Variants in B3GALT1 observed in about 807,000 individuals in gnomAD.
B3GALT1 encodes the protein beta-1,3-galactosyltransferase 1, also known as UDP-Gal:betaGlcNAc beta 1,3-galactosyltransferase, polypeptide 1.
A neutral mutation model predicts 23.2 loss-of-function variants in B3GALT1; 10 were observed. The observed-to-expected ratio is 0.43, with a 90% CI of 0.27 to 0.73. The LOEUF (loss-of-function observed/expected upper bound fraction) is 0.73, where lower values mean the gene tolerates loss of function less well. Ranked by LOEUF, B3GALT1 falls within the 30% of genes least tolerant of loss-of-function variation. B3GALT1 has a pLI of 0.21. For missense variants in B3GALT1, 299 were observed against 405.4 expected (o/e 0.74, Z 2.25); for synonymous variants, 156 against 141.5 (o/e 1.10, Z -0.73).
chr2:167,686,019 A>G (rs922272059), intron 3 of B3GALT1, among the ~76,000 whole-genome samples: 1 of 152,248 alleles, frequency 6.6e-6, no homozygotes, highest in Non-Finnish European at 1.5e-5. Flanking sequence ...TGCAATAAGC[A>G]GTGACTGTCA....
intron 2 of B3GALT1, among the ~76,000 whole-genome samples, chr2:167,629,625 A>T (rs760382095): frequency 2.0e-5 from 3 of 151,656 alleles, no homozygotes; most frequent in Non-Finnish European, 4.4e-5. Flanking sequence ...CTTTAAATTA[A>T]CTCACTCCTT....
chr2:167,655,108 A>AT (rs1380771719), intron 3 of B3GALT1, among the ~76,000 whole-genome samples: 36 of 152,118 alleles, frequency 2.4e-4, no homozygotes, highest in African/African-American at 5.5e-4. Context: ...CTTAATCTTG[A>AT]TATTTTTTTA....
At chr2:167,502,693 C>T (rs541756372) in intron 2 of B3GALT1, among the ~76,000 whole-genome samples, 97 of 152,238 alleles carry the variant, frequency 6.4e-4, no homozygotes, top group Middle Eastern at 3.4e-3. Flanking sequence ...GGGGATCCAC[C>T]CCCATGATCC....
chr2:167,626,204 C>G (rs1685342389), intron 2 of B3GALT1, among the ~76,000 whole-genome samples: 3 of 151,214 alleles, frequency 2.0e-5, no homozygotes, highest in African/African-American at 7.3e-5. Context: ...GGACCTTAGC[C>G]ATATCAAGAT....
At chr2:167,638,092 G>T (rs1332435245) in intron 2 of B3GALT1, among the ~76,000 whole-genome samples, 1 of 151,982 alleles carries the variant, frequency 6.6e-6, no homozygotes, top group Non-Finnish European at 1.5e-5. Flanking sequence ...AGACCAATAA[G>T]TGGCATATTT....
At chr2:167,776,725 C>T (rs1210268067) in intron 3 of B3GALT1, among the ~76,000 whole-genome samples, 1 of 152,220 alleles carries the variant, frequency 6.6e-6, no homozygotes, top group African/African-American at 2.4e-5. Flanking sequence ...ACTTATATAA[C>T]TTCAGTGTCT....
At chr2:167,512,690 G>T (rs1038841088) in intron 2 of B3GALT1, among the ~76,000 whole-genome samples, 3 of 145,190 alleles carry the variant, frequency 2.1e-5, no homozygotes, top group Admixed American at 7.0e-5. Context: ...AGGTTGGAGT[G>T]CAGTGATGCC....
chr2:167,511,790 A>G (rs1402809396), intron 2 of B3GALT1, among the ~76,000 whole-genome samples: 1 of 152,158 alleles, frequency 6.6e-6, no homozygotes, highest in Non-Finnish European at 1.5e-5. Context: ...TGTCATCTAA[A>G]TAGAAGATGA....
At chr2:167,348,076 C>T (rs1345500126) in intron 1 of B3GALT1, among the ~76,000 whole-genome samples, 2 of 152,078 alleles carry the variant, frequency 1.3e-5, no homozygotes, top group Non-Finnish European at 2.9e-5. Flanking sequence ...TAGTCATTTC[C>T]AAATTATGGA....
intron 4 of B3GALT1, among the ~76,000 whole-genome samples, chr2:167,823,027 C>G (rs902751876): frequency 6.6e-6 from 1 of 152,148 alleles, no homozygotes; most frequent in African/African-American, 2.4e-5. Flanking sequence ...AAGTGACATG[C>G]TTCATTTGGA....
intron 2 of B3GALT1, among the ~76,000 whole-genome samples, chr2:167,554,003 A>G (rs144797857): frequency 5.5e-4 from 83 of 152,272 alleles, no homozygotes; most frequent in African/African-American, 1.9e-3. Flanking sequence ...CTGACTAACC[A>G]TGTTATGGAT....
intron 2 of B3GALT1, among the ~76,000 whole-genome samples, chr2:167,512,909 G>T (rs979793939): frequency 1.3e-5 from 2 of 148,170 alleles, no homozygotes; most frequent in South Asian, 4.2e-4. Flanking sequence ...CTCCCAAAGT[G>T]CTGGGATTAC....
chr2:167,514,077 T>A (rs943809833), intron 2 of B3GALT1, among the ~76,000 whole-genome samples: 1 of 152,046 alleles, frequency 6.6e-6, no homozygotes, highest in Non-Finnish European at 1.5e-5. Flanking sequence ...CAGCTAATTT[T>A]TTTGTATCTT....
chr2:167,833,484 A>G (rs367961140), intron 4 of B3GALT1, among the ~76,000 whole-genome samples: 1 of 152,196 alleles, frequency 6.6e-6, no homozygotes, highest in African/African-American at 2.4e-5. Context: ...GATTCCAAAG[A>G]TGTTTCAGTG....
At chr2:167,690,347 A>G (rs897617735) in intron 3 of B3GALT1, among the ~76,000 whole-genome samples, 2 of 152,088 alleles carry the variant, frequency 1.3e-5, no homozygotes, top group Non-Finnish European at 1.5e-5. Flanking sequence ...AGTAAAAGTA[A>G]TTACAAAATA....
intron 1 of B3GALT1, among the ~76,000 whole-genome samples, chr2:167,338,578 C>T (rs1015522135): frequency 5.3e-5 from 8 of 151,856 alleles, no homozygotes; most frequent in African/African-American, 1.7e-4. Flanking sequence ...CAGTGCTACT[C>T]ATATGAAAAA....
intron 4 of B3GALT1, chr2:167,862,999 G>C (rs999802463): frequency 6.6e-6 from 1 of 152,198 alleles, no homozygotes; most frequent in African/African-American, 2.4e-5. Context: ...ACAAGTTAAT[G>C]TGTCATCAGT....
chr2:167,798,043 T>C (rs1323887774), intron 3 of B3GALT1, among the ~76,000 whole-genome samples: 1 of 152,240 alleles, frequency 6.6e-6, no homozygotes, highest in Non-Finnish European at 1.5e-5. Flanking sequence ...TAATGATCTA[T>C]GACATTGAGC....
chr2:167,654,204 T>C (rs978839226), intron 3 of B3GALT1, among the ~76,000 whole-genome samples: 1 of 152,180 alleles, frequency 6.6e-6, no homozygotes, highest in Non-Finnish European at 1.5e-5. Context: ...TGTGTGAAGA[T>C]TAAATGAGCT....
Sources: allele counts gnomAD v4.1 joint callset (sites outside exome capture counted in the v4.1 genomes callset), GRCh38; gene constraint gnomAD v4.1.1; transcripts MANE v1.5; gene names NCBI Gene and HGNC (gene_info 2026-07-23, HGNC 2026-07-21).